The following NCKAP5 variants were observed in gnomAD, a reference collection of about 807,000 sequenced individuals.
The protein encoded by NCKAP5 is nck-associated protein 5.
Under a neutral mutation model 167.0 loss-of-function variants are expected in NCKAP5, and 92 were observed. The ratio of observed to expected loss-of-function variants is 0.55; its 90% CI spans 0.47 to 0.66. The LOEUF (loss-of-function observed/expected upper bound fraction) is 0.66. Ranked by LOEUF, NCKAP5 falls within the 30% of genes least tolerant of loss-of-function variation. The pLI is 0.00. For missense variants in NCKAP5, 2,378 were observed against 2,315.0 expected (o/e 1.03, Z -0.56); for synonymous variants, 891 against 877.4 (o/e 1.02, Z -0.27).
intron 12 of NCKAP5, among the ~76,000 whole-genome samples, chr2:132,794,648 T>TACACACACACACACACAC (rs4057986): frequency 5.3e-4 from 76 of 142,582 alleles, no homozygotes; most frequent in Admixed American, 1.2e-3. Context: ...CAACAACAAA[T>TACACACACACACACACAC]ACACACACAC....
At chr2:133,424,322 C>T (rs1314577847) in intron 3 of NCKAP5, among the ~76,000 whole-genome samples, 1 of 152,174 alleles carries the variant, frequency 6.6e-6, no homozygotes, top group Non-Finnish European at 1.5e-5. Context: ...TCAGTGCCAA[C>T]ACCAGAAAAG....
chr2:133,359,937 G>A (rs559867123), intron 3 of NCKAP5, among the ~76,000 whole-genome samples: 2 of 152,248 alleles, frequency 1.3e-5, no homozygotes, highest in African/African-American at 2.4e-5. Context: ...AACTGAGGGC[G>A]AAATTGATTA....
At chr2:132,926,315 A>C (rs1429254217) in intron 8 of NCKAP5, 1 of 184,966 alleles carries the variant, frequency 5.4e-6, no homozygotes, top group East Asian at 1.4e-4. Flanking sequence ...AGGGTTGTGA[A>C]TAGTGCTGAT....
chr2:133,466,768 A>T (rs1692628861), intron 3 of NCKAP5, among the ~76,000 whole-genome samples: 1 of 151,864 alleles, frequency 6.6e-6, no homozygotes, highest in South Asian at 2.1e-4. Context: ...TTCTCTTTGA[A>T]GCAATTGTGA....
chr2:133,371,847 T>C (rs1685827696), intron 3 of NCKAP5, among the ~76,000 whole-genome samples: 1 of 152,116 alleles, frequency 6.6e-6, no homozygotes, highest in Non-Finnish European at 1.5e-5. Flanking sequence ...TCAAATTACT[T>C]GTCGCCATCC....
the NCKAP5 span, among the ~76,000 whole-genome samples, chr2:133,647,900 G>A: frequency 3.3e-5 from 5 of 152,022 alleles, no homozygotes; most frequent in African/African-American, 7.2e-5. Context: ...CGATGATTAC[G>A]TTAAATGCAA....
At chr2:133,276,765 CTATA>C (rs1186007783) in intron 4 of NCKAP5, among the ~76,000 whole-genome samples, 1 of 151,912 alleles carries the variant, frequency 6.6e-6, no homozygotes, top group South Asian at 2.1e-4. Context: ...GGTGATGTCA[CTATA>C]TATATCACTG....
Position 132,782,531 on chromosome 2 carries a change from C to T in NCKAP5, c.4280G>A (p.Ser1427Asn), listed in dbSNP as rs1326355819. 2 of 1,595,586 alleles carry T rather than the reference C, an allele frequency of 1.3e-6. No homozygotes were observed. Among genetic ancestry groups the T allele is most frequent in the Non-Finnish European group, 1.7e-6 (2 of 1,171,502 alleles). Residue 1427 changes from serine (S) to asparagine (N), a missense_variant, in exon 14 of 20, where the codon AGC becomes AAC. Physicochemically the swap from Ser to Asn is conservative, Grantham distance 46. Transcript: ENST00000409261. ...GCTTGGATGCTGAGTCCTCCCTGGGCTCTGCAGGGCTTCAGGGCAGTCTGT... is the reference window on the plus strand; with the variant it reads ...GCTTGGATGCTGAGTCCTCCCTGGGTTCTGCAGGGCTTCAGGGCAGTCTGT... Reference protein sequence around the residue: ...TPTDCPEALQSPGRTQHPSTF... With the variant: ...TPTDCPEALQNPGRTQHPSTF...
At chr2:133,190,809 A>AT (rs1450630266) in intron 5 of NCKAP5, among the ~76,000 whole-genome samples, 1 of 152,216 alleles carries the variant, frequency 6.6e-6, no homozygotes, top group Non-Finnish European at 1.5e-5. Flanking sequence ...ACCTAAACCT[A>AT]TAAAAACCCT....
At chr2:132,937,950 G>C (rs193066887) in intron 8 of NCKAP5, among the ~76,000 whole-genome samples, 1 of 152,142 alleles carries the variant, frequency 6.6e-6, no homozygotes, top group Non-Finnish European at 1.5e-5. Context: ...TAATATAAAG[G>C]GTGGACCCTC....
At chr2:132,839,000 G>C (rs13002310) in intron 11 of NCKAP5, among the ~76,000 whole-genome samples, 37,871 of 151,998 alleles carry the variant, frequency 0.25, 5,020 homozygotes, top group African/African-American at 0.36. Flanking sequence ...TGGGCCATTT[G>C]GATTTGCACT....
At chr2:133,251,535 C>A (rs2088330780) in intron 4 of NCKAP5, among the ~76,000 whole-genome samples, 1 of 150,198 alleles carries the variant, frequency 6.7e-6, no homozygotes, top group East Asian at 1.9e-4. Context: ...GCATTTAGCA[C>A]ATAGCAGATG....
chr2:132,697,601 C>T (rs1687465525), intron 19 of NCKAP5, among the ~76,000 whole-genome samples: 1 of 95,210 alleles, frequency 1.1e-5, no homozygotes, highest in Admixed American at 9.9e-5. Context: ...AACTTAAGGT[C>T]CCATCTTTTT....
chr2:133,130,197 C>A (rs376716585), intron 5 of NCKAP5, 86 bp from the exon 6 acceptor site: 2 of 1,402,014 alleles, frequency 1.4e-6, no homozygotes, highest in East Asian at 2.5e-5. Context: ...ATAACTTGAG[C>A]TTTATATATA....
At chr2:133,102,443 G>A (rs2081546100) in intron 6 of NCKAP5, among the ~76,000 whole-genome samples, 1 of 152,118 alleles carries the variant, frequency 6.6e-6, no homozygotes, top group South Asian at 2.1e-4. Context: ...CATCACGCCT[G>A]GCCTTTCTTT....
At chr2:133,475,504 C>A (rs1033317713) in intron 3 of NCKAP5, among the ~76,000 whole-genome samples, 1 of 152,102 alleles carries the variant, frequency 6.6e-6, no homozygotes, top group African/African-American at 2.4e-5. Flanking sequence ...TTCTTATTTT[C>A]TAATGTAGTA....
chr2:133,617,775 A>C, the NCKAP5 span, among the ~76,000 whole-genome samples: 158 of 151,268 alleles, frequency 1.0e-3, no homozygotes, highest in East Asian at 7.2e-3. Flanking sequence ...GCTACCAATG[A>C]CTTTCTTCAC....
chr2:133,023,189 G>T (rs1038579336), intron 6 of NCKAP5, among the ~76,000 whole-genome samples: 2 of 152,184 alleles, frequency 1.3e-5, no homozygotes, highest in African/African-American at 4.8e-5. Flanking sequence ...AAGATTTGAG[G>T]TAATTTGTCA....
intron 11 of NCKAP5, among the ~76,000 whole-genome samples, chr2:132,856,535 T>C (rs1384856634): frequency 6.6e-6 from 1 of 152,174 alleles, no homozygotes; most frequent in Non-Finnish European, 1.5e-5. Context: ...TAACTTGGCC[T>C]AAGGATATCA....
Sources: gnomAD v4.1 joint callset for allele counts (sites outside exome capture counted in the v4.1 genomes callset) on GRCh38, gnomAD v4.1.1 for gene constraint, MANE v1.5 for transcripts, NCBI Gene and HGNC (gene_info 2026-07-23, HGNC 2026-07-21) for gene names.